Variants in CPED1 observed in about 807,000 individuals in gnomAD.
The protein encoded by CPED1 is cadherin-like and PC-esterase domain-containing protein 1.
CPED1 carries 114 observed loss-of-function variants against 128.2 expected under a neutral mutation model. That is an observed-to-expected ratio of 0.89 (90% CI 0.76 to 1.04). The LOEUF (loss-of-function observed/expected upper bound fraction) is 1.04, where lower values mean the gene tolerates loss of function less well. CPED1 is among the 50% of genes least tolerant of loss of function. CPED1 has a pLI of 0.00. For missense variants in CPED1, 1,211 were observed against 1,207.1 expected, an observed-to-expected ratio of 1.00 and a Z score of -0.05; for synonymous variants, 462 against 426.7, an observed-to-expected ratio of 1.08 and a Z score of -1.02.
At chr7:121,164,115 G>A (rs184913478) in intron 16 of CPED1, among the ~76,000 whole-genome samples, 127 of 152,300 alleles carry the variant, frequency 8.3e-4, no homozygotes, top group African/African-American at 2.9e-3. Flanking sequence ...AATCTGATTT[G>A]AAGGCCCTAA....
At chr7:121,148,770 C>T (rs990813544) in intron 16 of CPED1, among the ~76,000 whole-genome samples, 3 of 152,070 alleles carry the variant, frequency 2.0e-5, no homozygotes, top group Non-Finnish European at 4.4e-5. Flanking sequence ...CTTTGTGGAC[C>T]CTTTGTTCCA....
At position 120,989,516 on chromosome 7, in the gene CPED1, G is replaced by A; in HGVS notation, c.-106G>A. 1 of 1,426,990 alleles carries A rather than the reference G, an allele frequency of 7.0e-7. No individual in the cohort carries two copies. Among genetic ancestry groups the A allele is most frequent in the Non-Finnish European group, 9.5e-7 (1 of 1,047,946 alleles). The allele number at this position is 1,426,990 out of a possible 1,614,324, so 88.4% of individuals were successfully genotyped here. On this transcript the variant is annotated 5_prime_UTR_variant, in exon 2 of 23. Transcript: ENST00000310396. Reference sequence around the variant, plus strand: ...AGCAGGGATGAAGCAAACTTGATTGGAGTTGGGGAAAAAGAAGACAGATTA... The same window carrying A: ...AGCAGGGATGAAGCAAACTTGATTGAAGTTGGGGAAAAAGAAGACAGATTA...
intron 16 of CPED1, among the ~76,000 whole-genome samples, chr7:121,234,979 A>G (rs760741181): frequency 4.6e-5 from 7 of 152,102 alleles, no homozygotes; most frequent in Non-Finnish European, 7.4e-5. Context: ...AGGGTTGCAG[A>G]GTCTCTGCAC....
At chr7:121,281,571 A>G (rs1792463006) in intron 22 of CPED1, among the ~76,000 whole-genome samples, 1 of 152,194 alleles carries the variant, frequency 6.6e-6, no homozygotes. Context: ...ACTATAAAAA[A>G]GTAAATGTTA....
intron 18 of CPED1, among the ~76,000 whole-genome samples, chr7:121,246,835 A>T (rs1330270924): frequency 2.0e-5 from 3 of 152,232 alleles, no homozygotes; most frequent in African/African-American, 7.2e-5. Flanking sequence ...CCGTGCTTAA[A>T]TGAGACTTCA....
At chr7:121,222,098 T>G (rs1379118457) in intron 16 of CPED1, among the ~76,000 whole-genome samples, 1 of 152,194 alleles carries the variant, frequency 6.6e-6, no homozygotes, top group East Asian at 1.9e-4. Context: ...GGTCTAACAT[T>G]TAAGTCTTTA....
intron 7 of CPED1, among the ~76,000 whole-genome samples, chr7:121,122,414 T>G (rs767664949): frequency 5.9e-5 from 9 of 152,322 alleles, no homozygotes; most frequent in Middle Eastern, 3.4e-3. Flanking sequence ...GTGCTGGGAT[T>G]ATAGGCGTGA....
intron 4 of CPED1, among the ~76,000 whole-genome samples, chr7:121,049,943 C>T (rs2116913783): frequency 6.6e-6 from 1 of 152,302 alleles, no homozygotes; most frequent in Middle Eastern, 3.4e-3. Flanking sequence ...GTATAATGCC[C>T]ACAACAAATA....
At chr7:121,213,952 T>A (rs1251416794) in intron 16 of CPED1, among the ~76,000 whole-genome samples, 1 of 152,028 alleles carries the variant, frequency 6.6e-6, no homozygotes, top group African/African-American at 2.4e-5. Flanking sequence ...GGATCCAGTT[T>A]AGGACCCACA....
At chr7:121,268,608 T>A (rs940156093) in intron 21 of CPED1, among the ~76,000 whole-genome samples, 5 of 151,784 alleles carry the variant, frequency 3.3e-5, no homozygotes, top group Non-Finnish European at 7.4e-5. Flanking sequence ...CTCCGTAGAC[T>A]TATCCCTTGC....
intron 18 of CPED1, chr7:121,261,596 T>G: frequency 1.9e-6 from 3 of 1,598,202 alleles, no homozygotes; most frequent in Non-Finnish European, 2.6e-6. Context: ...CGCTGGCCCA[T>G]AGAAAACCTG....
At chr7:121,176,773 C>A (rs183637206) in intron 16 of CPED1, among the ~76,000 whole-genome samples, 1 of 152,012 alleles carries the variant, frequency 6.6e-6, no homozygotes, top group South Asian at 2.1e-4. Flanking sequence ...GAAAGAGCTG[C>A]GCTAATATAA....
chr7:121,005,319 C>A (rs2116776468), intron 2 of CPED1, among the ~76,000 whole-genome samples: 1 of 152,200 alleles, frequency 6.6e-6, no homozygotes, highest in East Asian at 1.9e-4. Context: ...TTTCTTTATC[C>A]AGTCTATCTT....
At chr7:121,144,683 G>A (rs554322125) in intron 16 of CPED1, among the ~76,000 whole-genome samples, 11 of 152,054 alleles carry the variant, frequency 7.2e-5, no homozygotes, top group African/African-American at 2.2e-4. Flanking sequence ...GAGTGGAATT[G>A]GAATGTTCCT....
At chr7:121,072,370 A>T (rs1192972783) in intron 5 of CPED1, among the ~76,000 whole-genome samples, 1 of 152,118 alleles carries the variant, frequency 6.6e-6, no homozygotes, top group Non-Finnish European at 1.5e-5. Flanking sequence ...ATTACCCTCT[A>T]AAATACTTAG....
chr7:121,197,591 G>A (rs958485181), intron 16 of CPED1, among the ~76,000 whole-genome samples: 1 of 152,016 alleles, frequency 6.6e-6, no homozygotes, highest in Non-Finnish European at 1.5e-5. Flanking sequence ...ATTTGATTTA[G>A]GCAGAATAAT....
At position 121,297,006 on chromosome 7, in the gene CPED1, A is replaced by G. The variant is rs1792835610; in HGVS notation, c.*1354A>G. 6.6e-6 allele frequency: 1 copy of G among 152,004 alleles called. No homozygotes were observed. The highest frequency in any genetic ancestry group is 2.4e-5 in the African/African-American group (1 of 41,434). 9.4% of individuals were successfully genotyped at this position (152,004 alleles called of 1,614,324 possible). A position where few individuals can be genotyped will look rare whatever the true frequency, so the allele number is the denominator to read the frequency against. The stretch of plus-strand genomic sequence containing the variant: ...CCTCCTTTAAATACTCTATTTTTAT[A>G]TATATTTTTATATGAAGATAAACAT... On this transcript the variant is annotated 3_prime_UTR_variant, in exon 23 of 23. Transcript: ENST00000310396.
At chr7:121,250,489 A>G (rs1443747143) in intron 18 of CPED1, among the ~76,000 whole-genome samples, 2 of 151,870 alleles carry the variant, frequency 1.3e-5, no homozygotes, top group African/African-American at 2.4e-5. Flanking sequence ...AACTGAAGGA[A>G]ATAGAGACAC....
intron 5 of CPED1, among the ~76,000 whole-genome samples, chr7:121,093,527 C>T (rs2110284): frequency 6.6e-6 from 1 of 152,050 alleles, no homozygotes; most frequent in Admixed American, 6.6e-5. Flanking sequence ...TGAATATTCT[C>T]TATTTGCCCC....
Sources: allele counts gnomAD v4.1 joint callset (sites outside exome capture counted in the v4.1 genomes callset), GRCh38; gene constraint gnomAD v4.1.1; transcripts MANE v1.5; gene names NCBI Gene and HGNC (gene_info 2026-07-23, HGNC 2026-07-21).